KSR2: variants seen among roughly 807,000 people sequenced by gnomAD.
KSR2 encodes the protein kinase suppressor of ras 2.
A neutral mutation model predicts 107.8 loss-of-function variants in KSR2; 25 were observed. The observed-to-expected ratio is 0.23, with a 90% CI of 0.17 to 0.32. The LOEUF is 0.32. Among genes scored for constraint, KSR2 ranks in the 10% least tolerant of loss-of-function variants. KSR2 has a pLI of 1.00. For synonymous variants in KSR2, 480 were observed against 507.0 expected (o/e 0.95, Z 0.71); for missense variants, 887 against 1,268.9 (o/e 0.70, Z 4.57).
At chr12:117,592,856 T>G (rs1034160049) in intron 5 of KSR2, among the ~76,000 whole-genome samples, 1 of 150,256 alleles carries the variant, frequency 6.7e-6, no homozygotes, top group African/African-American at 2.5e-5. Context: ...AATCGGGGGG[T>G]GGGGCACAAG....
intron 1 of KSR2, among the ~76,000 whole-genome samples, chr12:117,885,923 G>A (rs1368050608): frequency 6.6e-6 from 1 of 151,864 alleles, no homozygotes; most frequent in East Asian, 1.9e-4. Context: ...GTGAAACCCC[G>A]TCTCTACTAA....
intron 4 of KSR2, among the ~76,000 whole-genome samples, chr12:117,670,497 C>T (rs984989804): frequency 6.6e-6 from 1 of 152,202 alleles, no homozygotes; most frequent in South Asian, 2.1e-4. Context: ...ACACCAGACC[C>T]TGCATGTCAG....
intron 4 of KSR2, among the ~76,000 whole-genome samples, chr12:117,742,816 T>C (rs139763099): frequency 4.6e-5 from 7 of 152,328 alleles, no homozygotes; most frequent in Non-Finnish European, 1.0e-4. Context: ...AGAAGACTTG[T>C]CATTCAGAGA....
chr12:117,487,655 T>C (rs1472727665), intron 14 of KSR2, among the ~76,000 whole-genome samples: 1 of 152,012 alleles, frequency 6.6e-6, no homozygotes, highest in Non-Finnish European at 1.5e-5. Context: ...TCCCAGAAAA[T>C]ACCCTCCCCA....
chr12:117,589,125 A>T (rs908575987), intron 5 of KSR2, among the ~76,000 whole-genome samples: 1 of 152,136 alleles, frequency 6.6e-6, no homozygotes, highest in African/African-American at 2.4e-5. Context: ...GCTCCATACC[A>T]TGTCCCCTTC....
In KSR2 at chr12:117,907,470, C is replaced by A. The variant is rs140700362; in HGVS notation, c.181-47039G>T. Among the ~76,000 whole-genome samples, 6 of 152,310 alleles carry A rather than the reference C, an allele frequency of 3.9e-5. No homozygotes were observed. The East Asian group carries it at 9.7e-4, about 25-fold the overall frequency. ...TGGTTTCTAGGTGAAGGCACAACAG[C>A]TGCACCCCTCTCCCAACACCATCCG... On this transcript the variant is annotated intron_variant, in intron 1 of 19. Transcript: ENST00000339824. The surrounding 1 kb of genome is among the most constrained non-coding windows in gnomAD (Gnocchi z 4.3).
At chr12:117,892,444 C>G (rs1435750217) in intron 1 of KSR2, among the ~76,000 whole-genome samples, 1 of 152,208 alleles carries the variant, frequency 6.6e-6, no homozygotes, top group African/African-American at 2.4e-5. Flanking sequence ...GAACTCTTCT[C>G]TTTTTGTCTC....
Position 117,466,720 on chromosome 12 carries a change from T to A in KSR2, c.*479A>T, listed in dbSNP as rs754133569. ...CTCTTAGCTTCCCAGATGGTACAGCTGGAACCTACCACATACAGACAGAAC... is the reference window on the plus strand; with the variant it reads ...CTCTTAGCTTCCCAGATGGTACAGCAGGAACCTACCACATACAGACAGAAC... On this transcript the variant is annotated 3_prime_UTR_variant, in exon 20 of 20. Transcript: ENST00000339824. The A allele has an allele frequency of 5.1e-5, 8 of 155,478 alleles. No individual in the cohort carries two copies. Among genetic ancestry groups the A allele is most frequent in the Non-Finnish European group, 1.1e-4 (8 of 69,990 alleles). 9.6% of individuals were successfully genotyped at this position (155,478 alleles called of 1,614,324 possible).
chr12:117,670,325 C>G (rs915800094), intron 4 of KSR2, among the ~76,000 whole-genome samples: 7 of 152,198 alleles, frequency 4.6e-5, no homozygotes, highest in Non-Finnish European at 1.0e-4. Context: ...CATGTATGAC[C>G]TCACTTAAGC....
chr12:117,934,002 G>A (rs1323777471), intron 1 of KSR2, among the ~76,000 whole-genome samples: 4 of 152,266 alleles, frequency 2.6e-5, no homozygotes, highest in Middle Eastern at 3.4e-3. Flanking sequence ...AAATCCAGCC[G>A]ACGTTGCAAA....
chr12:117,699,815 A>G (rs1399514071), intron 4 of KSR2, among the ~76,000 whole-genome samples: 1 of 152,180 alleles, frequency 6.6e-6, no homozygotes, highest in East Asian at 1.9e-4. Context: ...CTACACTGCA[A>G]GGTTACAATG....
At chr12:117,550,049 C>T (rs1449003558) in intron 9 of KSR2, among the ~76,000 whole-genome samples, 6 of 152,186 alleles carry the variant, frequency 3.9e-5, no homozygotes. Context: ...TTAAACTCTA[C>T]CAGTTCATGC....
rs150458590 is a variant in KSR2 at position 117,911,231 on chromosome 12, C to T, written c.181-50800G>A. 1.4e-3 allele frequency among the ~76,000 whole-genome samples: 211 copies of T among 151,904 alleles called. 2 individuals carry two copies. Among genetic ancestry groups the T allele is most frequent in the South Asian group, 0.012 (59 of 4,820 alleles). ...AACAAGAATAATCCTGCCTACTCTA[C>T]GGATGGTGGGCTTGGTCATGTGACT... On this transcript the variant is annotated intron_variant, in intron 1 of 19. Transcript: ENST00000339824.
At chr12:117,835,806 G>A (rs2137134148) in intron 3 of KSR2, among the ~76,000 whole-genome samples, 1 of 152,126 alleles carries the variant, frequency 6.6e-6, no homozygotes, top group South Asian at 2.1e-4. Context: ...CAGTGCCAAG[G>A]TTGAGAAACC....
chr12:117,830,006 G>A (rs1397843835), intron 3 of KSR2, among the ~76,000 whole-genome samples: 2 of 152,166 alleles, frequency 1.3e-5, no homozygotes, highest in African/African-American at 2.4e-5. Flanking sequence ...AGTGGCTCAC[G>A]TCTGTAATCC....
intron 7 of KSR2, among the ~76,000 whole-genome samples, chr12:117,574,894 A>G (rs945778585): frequency 9.6e-5 from 8 of 83,424 alleles, no homozygotes; most frequent in Admixed American, 5.1e-4. Context: ...CTCTGGGTGA[A>G]AAAAAAAAAA....
chr12:117,535,145 G>A (rs1875947741), intron 10 of KSR2, among the ~76,000 whole-genome samples: 1 of 152,212 alleles, frequency 6.6e-6, no homozygotes, highest in African/African-American at 2.4e-5. Flanking sequence ...GTACACAGTA[G>A]ATGCGTAATA....
At chr12:117,535,035 A>G (rs3913471) in intron 10 of KSR2, among the ~76,000 whole-genome samples, 105,252 of 152,060 alleles carry the variant, frequency 0.69, 36,842 homozygotes, top group African/African-American at 0.79. Context: ...TTTAAGCCAC[A>G]AAGTATGTGG....
At chr12:117,831,773 A>G (rs180814087) in intron 3 of KSR2, among the ~76,000 whole-genome samples, 6 of 152,322 alleles carry the variant, frequency 3.9e-5, no homozygotes, top group Non-Finnish European at 7.3e-5. Context: ...GCTCAGGTGA[A>G]TTCACTTGCC....
Sources: allele counts gnomAD v4.1 joint callset (sites outside exome capture counted in the v4.1 genomes callset), GRCh38; gene constraint gnomAD v4.1.1; non-coding constraint Gnocchi (gnomAD v3.1); transcripts MANE v1.5; gene names NCBI Gene and HGNC (gene_info 2026-07-23, HGNC 2026-07-21).